The following GNE variants were observed in gnomAD, a reference collection of about 807,000 sequenced individuals.
GNE encodes the protein bifunctional UDP-N-acetylglucosamine 2-epimerase/N-acetylmannosamine kinase.
GNE carries 41 observed loss-of-function variants against 61.8 expected under a neutral mutation model. The observed-to-expected ratio is 0.66, with a 90% CI of 0.52 to 0.86. The LOEUF (loss-of-function observed/expected upper bound fraction) is 0.86, where lower values mean the gene tolerates loss of function less well. Among genes scored for constraint, GNE ranks in the 40% least tolerant of loss-of-function variants. The pLI is 0.00. For missense variants in GNE, 608 were observed against 909.1 expected, an observed-to-expected ratio of 0.67 and a Z score of 4.26; for synonymous variants, 264 against 326.4, an observed-to-expected ratio of 0.81 and a Z score of 2.06.
At chr9:36,243,379 T>C (rs1047397404) in intron 3 of GNE, among the ~76,000 whole-genome samples, 1 of 152,190 alleles carries the variant, frequency 6.6e-6, no homozygotes, top group Non-Finnish European at 1.5e-5. Context: ...AGTTTTTCAG[T>C]GATACAAGTT....
upstream of GNE, among the ~76,000 whole-genome samples, chr9:36,259,214 C>A (rs571567762): frequency 6.6e-6 from 1 of 152,330 alleles, no homozygotes; most frequent in African/African-American, 2.4e-5. Context: ...GCCACCGAAT[C>A]AGGCTTTAAG....
At chr9:36,246,828 C>T (rs781484655) in intron 2 of GNE, among the ~76,000 whole-genome samples, 2 of 151,668 alleles carry the variant, frequency 1.3e-5, no homozygotes, top group Non-Finnish European at 2.9e-5. Context: ...ACCACCACAC[C>T]CAGCTAATTT....
chr9:36,261,322 G>C (rs1467180872), upstream of GNE, among the ~76,000 whole-genome samples: 1 of 152,134 alleles, frequency 6.6e-6, no homozygotes, highest in Non-Finnish European at 1.5e-5. Flanking sequence ...ACTTTGGGAG[G>C]CTGAGGTGGG....
rs1563926036 is a variant in GNE at position 36,217,415 on chromosome 9, G to GC, written c.2118dup (p.Leu707AlafsTer41). ...TCCAGAACCATGCTGGCAGCACCCA[G>GC]CAGGGCGGGGTCAACCAAATCCGAA... is the stretch of plus-strand genomic sequence containing the variant. On this transcript the variant is annotated frameshift_variant, in exon 12 of 12. Transcript: ENST00000642385. LOFTEE classifies it high-confidence loss of function. 1.2e-6 allele frequency: 2 copies of GC among 1,614,134 alleles called. No individual in the cohort carries two copies. The highest frequency in any genetic ancestry group is 1.7e-6 in the Non-Finnish European group (2 of 1,179,996).
At chr9:36,267,462 C>T (rs1830846036) in intron 1 of GNE, among the ~76,000 whole-genome samples, 1 of 151,266 alleles carries the variant, frequency 6.6e-6, no homozygotes, top group African/African-American at 2.4e-5. Context: ...TTTGGGAGGC[C>T]GAGGCAGGTG....
rs1234658537 is a variant in GNE, at chr9:36,233,940, C to T, written c.962G>A (p.Arg321His). 4 of 1,613,572 alleles carry T rather than the reference C, an allele frequency of 2.5e-6. No homozygotes were observed. The highest frequency in any genetic ancestry group is 1.7e-5 in the Admixed American group (1 of 60,010). ...AATACCTGTTTCTCTTCCAATCTGA[C>T]GTGTTCCCAGGTTGATCACAGGTGT... ...FGTPVINLGT[R>H]QIGRETGENV... The change falls in exon 5 of 12, where the codon CGT (arginine) becomes CAT (histidine). Residue 321 changes from arginine to histidine, a missense_variant. By Grantham distance (29) the Arg-to-His change is conservative (BLOSUM62 0). Transcript: ENST00000642385.
Position 36,242,732 on chromosome 9 carries a change from G to GCTTTTTTTTT in GNE, c.616+3298_616+3299insAAAAAAAAAG, listed in dbSNP as rs375794259. Among the ~76,000 whole-genome samples, 2 of 95,992 alleles carry GCTTTTTTTTT rather than the reference G, an allele frequency of 2.1e-5. 1 individual carries two copies. Among genetic ancestry groups the GCTTTTTTTTT allele is most frequent in the Non-Finnish European group, 3.9e-5 (2 of 50,778 alleles). The allele number at this position is 95,992 out of a possible 152,430, so 63.0% of individuals were successfully genotyped here. A position where few individuals can be genotyped will look rare whatever the true frequency, so the allele number is the denominator to read the frequency against. ...CGCATCTGGCCTGGGTTTTATGCTT[G>GCTTTTTTTTT]TTTTTTTTTTTTTTTTTTTTTTTGA... is the stretch of plus-strand genomic sequence containing the variant. On this transcript the variant is annotated intron_variant, in intron 3 of 11. Transcript: ENST00000642385.
intron 1 of GNE, chr9:36,265,336 C>T (rs1830738939): frequency 6.7e-6 from 3 of 448,850 alleles, no homozygotes; most frequent in Admixed American, 4.7e-5. Flanking sequence ...TTGCTGCCAT[C>T]TTGGAAGCAA....
At chr9:36,228,223 G>C (rs913326525) in intron 6 of GNE, among the ~76,000 whole-genome samples, 8 of 151,616 alleles carry the variant, frequency 5.3e-5, no homozygotes, top group Middle Eastern at 3.4e-3. Flanking sequence ...ATAATATCTA[G>C]ATCTCTTCAG....
At position 36,257,802 on chromosome 9, in the gene GNE, CAAAAAAAAA is replaced by C. The variant is rs60845805; in HGVS notation, c.-43+510_-43+518del. On this transcript the variant is annotated intron_variant, in intron 1 of 11. Transcript: ENST00000642385. ...TGGGCGACAGAGCGAGACTCAGTCT[CAAAAAAAAA>C]AAAAAAAAAAAAAAAAAAAAAAAAA... Among the ~76,000 whole-genome samples the C allele has an allele frequency of 6.5e-3, 165 of 25,200 alleles. 1 individual carries two copies. The highest frequency in any genetic ancestry group is 0.032 in the South Asian group (10 of 308). 16.5% of individuals were successfully genotyped at this position (25,200 alleles called of 152,430 possible).
At chr9:36,225,727 A>C (rs1365678935) in intron 7 of GNE, among the ~76,000 whole-genome samples, 4 of 152,200 alleles carry the variant, frequency 2.6e-5, no homozygotes, top group Non-Finnish European at 5.9e-5. Flanking sequence ...GGACCATTTA[A>C]GCCCAGGACC....
intron 1 of GNE, among the ~76,000 whole-genome samples, chr9:36,268,423 T>C (rs115184819): frequency 1.7e-4 from 26 of 152,268 alleles, no homozygotes; most frequent in African/African-American, 5.5e-4. Context: ...CCTAGCACTT[T>C]AGGAGGCTGA....
chr9:36,272,620 CAAAAAAAAAAAAAAAA>C (rs58934783), intron 1 of GNE, among the ~76,000 whole-genome samples: 6 of 74,094 alleles, frequency 8.1e-5, no homozygotes. Context: ...GACTCCGCCT[CAAAAAAAAAAAAAAAA>C]AAAAAAAAAG....
chr9:36,263,522 C>G (rs551608535), intron 1 of GNE: 2 of 153,936 alleles, frequency 1.3e-5, no homozygotes, highest in Middle Eastern at 1.8e-3. Context: ...CATAACTCTT[C>G]TATTATCCAG....
chr9:36,221,091 C>T (rs757683518), intron 9 of GNE, among the ~76,000 whole-genome samples: 7 of 152,298 alleles, frequency 4.6e-5, no homozygotes, highest in Middle Eastern at 6.8e-3. Flanking sequence ...GAGGCTGAGG[C>T]GGGCAGATCA....
chr9:36,242,164 GAA>G (rs35198868), intron 3 of GNE, among the ~76,000 whole-genome samples: 5 of 146,582 alleles, frequency 3.4e-5, no homozygotes, highest in Non-Finnish European at 6.0e-5. Context: ...TCAAAAAAAA[GAA>G]AAAAAAAAAG....
intron 1 of GNE, among the ~76,000 whole-genome samples, chr9:36,270,155 G>T (rs1830969991): frequency 1.3e-5 from 2 of 152,046 alleles, no homozygotes; most frequent in South Asian, 4.2e-4. Flanking sequence ...TAGAGACAGG[G>T]TTTTGCTTTG....
intron 1 of GNE, among the ~76,000 whole-genome samples, chr9:36,252,672 C>CT (rs1830155061): frequency 6.6e-6 from 1 of 152,050 alleles, no homozygotes; most frequent in South Asian, 2.1e-4. Flanking sequence ...GGTAAAATGC[C>CT]TTTTTAAGGG....
intron 1 of GNE, among the ~76,000 whole-genome samples, chr9:36,265,800 C>T (rs1219283956): frequency 1.3e-5 from 2 of 152,322 alleles, no homozygotes; most frequent in Non-Finnish European, 2.9e-5. Flanking sequence ...CTAGCATGCG[C>T]CGTTCACAAT....
Sources: allele counts gnomAD v4.1 joint callset (sites outside exome capture counted in the v4.1 genomes callset), GRCh38; gene constraint gnomAD v4.1.1; transcripts MANE v1.5; gene names NCBI Gene and HGNC (gene_info 2026-07-23, HGNC 2026-07-21).